Variants in NETO1 observed in about 807,000 individuals in gnomAD.
The protein encoded by NETO1 is neuropilin and tolloid-like protein 1.
Under a neutral mutation model 61.3 loss-of-function variants are expected in NETO1, and 26 were observed. That is an observed-to-expected ratio of 0.42 (90% confidence interval 0.31 to 0.59). The LOEUF (loss-of-function observed/expected upper bound fraction) is 0.59, where lower values mean the gene tolerates loss of function less well. NETO1 is among the 20% of genes least tolerant of loss of function. NETO1 has a pLI of 0.12. For synonymous variants in NETO1, 225 were observed against 225.8 expected, an observed-to-expected ratio of 1.00 and a Z score of 0.03; for missense variants, 531 against 662.8, an observed-to-expected ratio of 0.80 and a Z score of 2.18.
At chr18:72,801,976 T>C (rs2145318712) in intron 4 of NETO1, among the ~76,000 whole-genome samples, 1 of 152,202 alleles carries the variant, frequency 6.6e-6, no homozygotes, top group East Asian at 1.9e-4. Flanking sequence ...AACAGGTTTC[T>C]TATGGAAGAA....
chr18:72,750,184 T>C lies in NETO1; in HGVS notation c.1419A>G (p.Arg473=). ...AGCTGTGTTTCATGACAAGGATATT[T>C]CTTCTGTTCATGGGTGGGATGAGGG... ...GKPLIPPMNR[R]NILVMKHSYS... Residue 473 remains arginine, a synonymous_variant, in exon 9 of 11, where the codon AGA becomes AGG. Coordinates refer to ENST00000327305, the MANE Select transcript of NETO1 (RefSeq NM_138966.5). 1 of 1,614,088 alleles carries C rather than the reference T, an allele frequency of 6.2e-7. No homozygotes were observed. The highest frequency in any genetic ancestry group is 1.1e-5 in the South Asian group (1 of 91,080).
At chr18:72,765,157 C>T (rs2071110813) in intron 7 of NETO1, among the ~76,000 whole-genome samples, 1 of 152,132 alleles carries the variant, frequency 6.6e-6, no homozygotes. Flanking sequence ...TTCTCACAGC[C>T]TCTGCTCACC....
intron 4 of NETO1, among the ~76,000 whole-genome samples, chr18:72,827,620 T>C (rs942737091): frequency 2.1e-5 from 3 of 145,238 alleles, no homozygotes; most frequent in Non-Finnish European, 4.5e-5. Flanking sequence ...GGAGGCTGAG[T>C]GGGGAGAATC....
At chr18:72,748,363 C>CTATATTGTTT (rs1423046567) in intron 10 of NETO1, 199 bp from the exon 11 acceptor site, 1 of 904,038 alleles carries the variant, frequency 1.1e-6, no homozygotes, top group African/African-American at 1.8e-5. Context: ...TATAAACAAT[C>CTATATTGTTT]AAGAGCAAAA....
intron 4 of NETO1, among the ~76,000 whole-genome samples, chr18:72,833,127 A>T (rs2073633860): frequency 6.6e-6 from 1 of 152,142 alleles, no homozygotes; most frequent in African/African-American, 2.4e-5. Context: ...ATGTTATTTA[A>T]ATTCTCTGTA....
rs147450507 is a variant in NETO1, at chr18:72,796,990, G to A, written c.470-2586C>T. 3.9e-3 allele frequency among the ~76,000 whole-genome samples: 598 copies of A among 152,178 alleles called. 4 individuals are homozygous for A. Among genetic ancestry groups the A allele is most frequent in the African/African-American group, 0.013 (524 of 41,520 alleles). On this transcript the variant is annotated intron_variant, in intron 4 of 10. Transcript: ENST00000327305. ...GTTTTGCATAGCACTGCTAAAATTG[G>A]TTGTTCTCATCAAGCAGTTCCATTG...
At chr18:72,809,745 G>C (rs2072801807) in intron 4 of NETO1, among the ~76,000 whole-genome samples, 1 of 152,292 alleles carries the variant, frequency 6.6e-6, no homozygotes, top group East Asian at 1.9e-4. Flanking sequence ...AGCATTTAAT[G>C]TTGAGATGAA....
At chr18:72,828,801 C>T (rs992207040) in intron 4 of NETO1, among the ~76,000 whole-genome samples, 2 of 152,136 alleles carry the variant, frequency 1.3e-5, no homozygotes, top group Non-Finnish European at 2.9e-5. Flanking sequence ...ACAGCGAAAA[C>T]GAAAGCCAAC....
At chr18:72,788,916 G>T (rs2072015558) in intron 6 of NETO1, among the ~76,000 whole-genome samples, 1 of 151,948 alleles carries the variant, frequency 6.6e-6, no homozygotes, top group African/African-American at 2.4e-5. Flanking sequence ...ATTATTTGAG[G>T]CAATTATTTA....
chr18:72,854,435 T>C (rs2074354031), intron 4 of NETO1, among the ~76,000 whole-genome samples: 1 of 152,168 alleles, frequency 6.6e-6, no homozygotes, highest in Non-Finnish European at 1.5e-5. Context: ...ATTCTATGTC[T>C]GTAAATGACA....
At chr18:72,781,651 G>A (rs1473722315) in intron 7 of NETO1, among the ~76,000 whole-genome samples, 1 of 152,084 alleles carries the variant, frequency 6.6e-6, no homozygotes, top group Non-Finnish European at 1.5e-5. Flanking sequence ...GGAATTTAAA[G>A]CCCAAACGAT....
In NETO1 at chr18:72,743,838, G is replaced by A. The variant is rs1380048295; in HGVS notation, c.*4341C>T. 6.6e-6 allele frequency: 1 copy of A among 152,120 alleles called. No individual in the cohort carries two copies. The highest frequency in any genetic ancestry group is 1.5e-5 in the Non-Finnish European group (1 of 68,022). The allele number at this position is 152,120 out of a possible 1,614,324, so 9.4% of individuals were successfully genotyped here. A position where few individuals can be genotyped will look rare whatever the true frequency, so the allele number is the denominator to read the frequency against. ...ATTTTTAAGTTTTGTGTCAGTATCT[G>A]TGACTATTAAGAGAGGGCACAAAAA... On this transcript the variant is annotated 3_prime_UTR_variant, in exon 11 of 11. Coordinates refer to ENST00000327305, the MANE Select transcript of NETO1 (RefSeq NM_138966.5).
intron 4 of NETO1, among the ~76,000 whole-genome samples, chr18:72,805,180 G>C (rs1430502721): frequency 2.0e-5 from 3 of 152,116 alleles, no homozygotes; most frequent in Admixed American, 6.6e-5. Flanking sequence ...AATGAATCCA[G>C]TATTTTGATA....
chr18:72,771,149 T>C (rs910955166), intron 7 of NETO1, among the ~76,000 whole-genome samples: 1 of 152,182 alleles, frequency 6.6e-6, no homozygotes, highest in Non-Finnish European at 1.5e-5. Context: ...AGAATTTGCA[T>C]TATCCAAGAC....
intron 4 of NETO1, among the ~76,000 whole-genome samples, chr18:72,818,244 T>C (rs901992259): frequency 2.0e-5 from 3 of 152,254 alleles, no homozygotes; most frequent in African/African-American, 7.2e-5. Context: ...GTCTATTCAC[T>C]GTTAGAAGAA....
intron 7 of NETO1, among the ~76,000 whole-genome samples, chr18:72,776,083 G>A (rs114372945): frequency 0.011 from 1,637 of 152,270 alleles, 30 homozygotes; most frequent in African/African-American, 0.038. Flanking sequence ...GTAGCTCAGA[G>A]TTCTACAGGC....
chr18:72,850,112 A>C (rs1220480511), intron 4 of NETO1, among the ~76,000 whole-genome samples: 1 of 152,216 alleles, frequency 6.6e-6, no homozygotes, highest in Admixed American at 6.5e-5. Context: ...ATATTCATAG[A>C]TTGCAGAAAT....
intron 4 of NETO1, among the ~76,000 whole-genome samples, chr18:72,813,758 G>C (rs1435374902): frequency 6.6e-6 from 1 of 152,068 alleles, no homozygotes; most frequent in Non-Finnish European, 1.5e-5. Flanking sequence ...GATGAAGAGT[G>C]AGAAAATAAA....
chr18:72,864,087 C>T (rs1389807410), intron 3 of NETO1, among the ~76,000 whole-genome samples: 2 of 151,932 alleles, frequency 1.3e-5, no homozygotes, highest in Admixed American at 6.6e-5. Context: ...GGCATGGTGG[C>T]GTATGCCTGT....
Sources: allele counts gnomAD v4.1 joint callset (sites outside exome capture counted in the v4.1 genomes callset), GRCh38; gene constraint gnomAD v4.1.1; transcripts MANE v1.5; gene names NCBI Gene and HGNC (gene_info 2026-07-23, HGNC 2026-07-21).